The following TSPAN9 variants were observed in gnomAD, a reference collection of about 807,000 sequenced individuals.
The protein encoded by TSPAN9 is tetraspanin 9.
A neutral mutation model predicts 31.0 loss-of-function variants in TSPAN9; 16 were observed. The ratio of observed to expected loss-of-function variants is 0.52; its 90% confidence interval spans 0.35 to 0.78. The LOEUF (loss-of-function observed/expected upper bound fraction) is 0.78. Among genes scored for constraint, TSPAN9 ranks in the 30% least tolerant of loss-of-function variants. TSPAN9 has a pLI of 0.01. For synonymous variants in TSPAN9, 145 were observed against 121.6 expected (o/e 1.19, Z -1.27); for missense variants, 272 against 312.5 (o/e 0.87, Z 0.98).
chr12:3,155,469 C>T (rs759248086), intron 2 of TSPAN9, among the ~76,000 whole-genome samples: 63 of 152,144 alleles, frequency 4.1e-4, no homozygotes, highest in Admixed American at 8.5e-4. Context: ...TGTGGTGGTG[C>T]GCACCTGTAA....
intron 2 of TSPAN9, among the ~76,000 whole-genome samples, chr12:3,090,659 G>C (rs1159356611): frequency 1.3e-5 from 2 of 152,248 alleles, no homozygotes; most frequent in Non-Finnish European, 2.9e-5. Flanking sequence ...TCCACCTCTT[G>C]GTGGGAAGGC....
chr12:3,188,525 G>A (rs2098362703), intron 2 of TSPAN9, among the ~76,000 whole-genome samples: 1 of 152,182 alleles, frequency 6.6e-6, no homozygotes, highest in African/African-American at 2.4e-5. Flanking sequence ...TGCTGTGTCC[G>A]GCTGGCCGTG....
At chr12:3,138,919 C>G (rs2098333418) in intron 2 of TSPAN9, among the ~76,000 whole-genome samples, 1 of 152,202 alleles carries the variant, frequency 6.6e-6, no homozygotes, top group African/African-American at 2.4e-5. Context: ...GCCCCTCAGC[C>G]CGTGCTCTGT....
intron 3 of TSPAN9, among the ~76,000 whole-genome samples, chr12:3,212,536 G>A (rs1179761200): frequency 6.6e-6 from 1 of 151,890 alleles, no homozygotes; most frequent in Non-Finnish European, 1.5e-5. Context: ...GGCTTCCAAA[G>A]TGCTGCGATT....
chr12:3,242,813 C>G (rs1192719515), intron 3 of TSPAN9, among the ~76,000 whole-genome samples: 1 of 152,246 alleles, frequency 6.6e-6, no homozygotes, highest in Non-Finnish European at 1.5e-5. Context: ...GGACTCATGT[C>G]TATTCTGGTT....
intron 3 of TSPAN9, among the ~76,000 whole-genome samples, chr12:3,217,900 C>T (rs751055053): frequency 3.9e-5 from 6 of 152,092 alleles, no homozygotes; most frequent in African/African-American, 1.4e-4. Flanking sequence ...CTTTTAGAAC[C>T]TTGACCTTCT....
chr12:3,154,010 A>ATGTG (rs56928697), intron 2 of TSPAN9, among the ~76,000 whole-genome samples: 13,303 of 147,756 alleles, frequency 0.09, 737 homozygotes, highest in Middle Eastern at 0.16. Flanking sequence ...TTATATATAT[A>ATGTG]TGTGTGTGTG....
chr12:3,159,003 G>A (rs888054321), intron 2 of TSPAN9, among the ~76,000 whole-genome samples: 5 of 151,946 alleles, frequency 3.3e-5, no homozygotes, highest in Non-Finnish European at 7.4e-5. Context: ...TGCTGTGACT[G>A]TGCAGGTCTC....
At chr12:3,089,624 C>T (rs2098303135) in intron 2 of TSPAN9, among the ~76,000 whole-genome samples, 1 of 151,896 alleles carries the variant, frequency 6.6e-6, no homozygotes, top group East Asian at 1.9e-4. Flanking sequence ...AAAAAGCATC[C>T]TTTTGGCTGG....
intron 3 of TSPAN9, among the ~76,000 whole-genome samples, chr12:3,275,375 G>T (rs116212323): frequency 0.018 from 2,778 of 152,240 alleles, 83 homozygotes; most frequent in African/African-American, 0.063. Context: ...GTGTGGGGGC[G>T]CCCTGCAGCT....
At chr12:3,091,494 G>A (rs1394874976) in intron 2 of TSPAN9, among the ~76,000 whole-genome samples, 1 of 152,248 alleles carries the variant, frequency 6.6e-6, no homozygotes, top group African/African-American at 2.4e-5. Flanking sequence ...CCCCAGCTTA[G>A]AGGATGCTAC....
At position 3,280,024 on chromosome 12, in the gene TSPAN9, C is replaced by T. The variant is rs1265091140; in HGVS notation, c.331-358C>T. ...TGTGGGGAAGCTGTGTAGTGGGGGG[C>T]GGGGGTGGCAGAGTGGCCTGTGTGT... On this transcript the variant is annotated intron_variant, in intron 5 of 8. Transcript: ENST00000011898. The surrounding 1 kb of genome is among the most constrained non-coding windows in gnomAD (Gnocchi z 4.5). Among the ~76,000 whole-genome samples the T allele has an allele frequency of 8.2e-5, 9 of 109,714 alleles. No individual in the cohort carries two copies. The highest frequency in any genetic ancestry group is 1.8e-4 in the African/African-American group (5 of 27,382). 72.0% of individuals were successfully genotyped at this position (109,714 alleles called of 152,430 possible). A position where few individuals can be genotyped will look rare whatever the true frequency, so the allele number is the denominator to read the frequency against.
At chr12:3,248,228 C>G (rs894700282) in intron 3 of TSPAN9, among the ~76,000 whole-genome samples, 8 of 152,140 alleles carry the variant, frequency 5.3e-5, no homozygotes, top group Admixed American at 4.6e-4. Context: ...CTGTGGCCCC[C>G]CTAGGCACAC....
chr12:3,266,074 C>T (rs976575859), intron 3 of TSPAN9, among the ~76,000 whole-genome samples: 11 of 152,194 alleles, frequency 7.2e-5, no homozygotes, highest in African/African-American at 2.7e-4. Flanking sequence ...TCATCCCGTC[C>T]TCCTCGGCTA....
chr12:3,117,280 G>A (rs191839202), intron 2 of TSPAN9, among the ~76,000 whole-genome samples: 3 of 152,160 alleles, frequency 2.0e-5, no homozygotes, highest in East Asian at 3.9e-4. Context: ...TTTTCCTGCC[G>A]TCATTTCCTA....
chr12:3,176,068 T>A (rs920520586), intron 2 of TSPAN9, among the ~76,000 whole-genome samples: 4 of 152,202 alleles, frequency 2.6e-5, no homozygotes, highest in African/African-American at 7.2e-5. Flanking sequence ...CTGTGGGTGC[T>A]CCCTACCTGA....
At chr12:3,191,454 A>G (rs2098364375) in intron 2 of TSPAN9, among the ~76,000 whole-genome samples, 1 of 152,026 alleles carries the variant, frequency 6.6e-6, no homozygotes, top group Non-Finnish European at 1.5e-5. Flanking sequence ...TGCGGATTTC[A>G]GGGCTCCAAG....
intron 2 of TSPAN9, among the ~76,000 whole-genome samples, chr12:3,126,251 G>A (rs2098327318): frequency 6.6e-6 from 1 of 152,196 alleles, no homozygotes; most frequent in Non-Finnish European, 1.5e-5. Context: ...CTTCACGACT[G>A]GGCTGTGTTC....
chr12:3,273,838 CA>C (rs1862730748), intron 3 of TSPAN9, among the ~76,000 whole-genome samples: 1 of 152,236 alleles, frequency 6.6e-6, no homozygotes, highest in African/African-American at 2.4e-5. Flanking sequence ...CTGTCTCTGC[CA>C]TCACCTCCTC....
Sources: allele counts gnomAD v4.1 joint callset (sites outside exome capture counted in the v4.1 genomes callset), GRCh38; gene constraint gnomAD v4.1.1; non-coding constraint Gnocchi (gnomAD v3.1); transcripts MANE v1.5; gene names NCBI Gene and HGNC (gene_info 2026-07-23, HGNC 2026-07-21).